Variants in SIPA1L1 observed in about 807,000 individuals in gnomAD.
SIPA1L1 encodes signal-induced proliferation-associated 1-like protein 1.
In SIPA1L1, 26 loss-of-function variants were observed where a neutral mutation model predicts 162.7. The ratio of observed to expected loss-of-function variants is 0.16; its 90% CI spans 0.12 to 0.22. SIPA1L1 has a LOEUF of 0.22. Ranked by LOEUF, SIPA1L1 falls within the 10% of genes least tolerant of loss-of-function variation. The pLI is 1.00. For synonymous variants in SIPA1L1, 829 were observed against 837.4 expected, an observed-to-expected ratio of 0.99 and a Z score of 0.17; for missense variants, 1,874 against 2,241.0, an observed-to-expected ratio of 0.84 and a Z score of 3.31.
chr14:71,586,996 T>A (rs1465881842), intron 4 of SIPA1L1: 1 of 152,176 alleles, frequency 6.6e-6, no homozygotes, highest in Non-Finnish European at 1.5e-5. Context: ...GAAAACTCTT[T>A]TTATTTATTT....
chr14:71,690,774 G>A (rs1415012657), intron 13 of SIPA1L1, among the ~76,000 whole-genome samples: 1 of 152,154 alleles, frequency 6.6e-6, no homozygotes, highest in East Asian at 1.9e-4. Flanking sequence ...CTTCTAGAAG[G>A]TTCATCCACT....
intron 5 of SIPA1L1, among the ~76,000 whole-genome samples, chr14:71,592,093 G>A (rs1046498889): frequency 6.6e-6 from 1 of 152,186 alleles, no homozygotes; most frequent in Non-Finnish European, 1.5e-5. Flanking sequence ...TCACCCACTA[G>A]ACTGCTAGTG....
At chr14:71,691,835 A>C (rs1236415564) in intron 13 of SIPA1L1, among the ~76,000 whole-genome samples, 1 of 151,940 alleles carries the variant, frequency 6.6e-6, no homozygotes, top group Non-Finnish European at 1.5e-5. Context: ...TCCCATTTCT[A>C]CCTTAATTGC....
chr14:71,686,372 C>T (rs1377633458), intron 13 of SIPA1L1, among the ~76,000 whole-genome samples: 1 of 152,066 alleles, frequency 6.6e-6, no homozygotes, highest in Non-Finnish European at 1.5e-5. Context: ...AACTAGAGTC[C>T]AGGCCTAAAA....
chr14:71,670,935 T>A lies in SIPA1L1; in HGVS notation c.2256-184T>A, dbSNP rs770486570. Among the ~76,000 whole-genome samples the A allele has an allele frequency of 4.3e-4, 65 of 152,196 alleles. 1 individual carries two copies. Among genetic ancestry groups the A allele is most frequent in the Non-Finnish European group, 2.8e-4 (19 of 68,028 alleles). On this transcript the variant is annotated intron_variant, in intron 10 of 23. Transcript: ENST00000381232. ...TAGAAAAAAAATTATGTTGTGTAAA[T>A]CCTAAATGCGGTAGAATGAAAAAAT...
intron 2 of SIPA1L1, among the ~76,000 whole-genome samples, chr14:71,422,365 C>T (rs549450006): frequency 1.3e-5 from 2 of 152,194 alleles, no homozygotes; most frequent in East Asian, 3.9e-4. Flanking sequence ...CCGTACAGTT[C>T]GTTGGTATTA....
intron 3 of SIPA1L1, among the ~76,000 whole-genome samples, chr14:71,513,223 C>T (rs1218459181): frequency 6.6e-6 from 1 of 151,934 alleles, no homozygotes; most frequent in Non-Finnish European, 1.5e-5. Flanking sequence ...GACAGTATCA[C>T]CGTAGAATTG....
At chr14:71,493,977 G>T (rs929063299) in intron 2 of SIPA1L1, among the ~76,000 whole-genome samples, 4 of 152,202 alleles carry the variant, frequency 2.6e-5, no homozygotes, top group Admixed American at 6.5e-5. Context: ...TAGCACAGGG[G>T]CTTTTGCTTT....
chr14:71,407,772 G>A (rs764655665), intron 2 of SIPA1L1, among the ~76,000 whole-genome samples: 14 of 152,100 alleles, frequency 9.2e-5, no homozygotes, highest in Non-Finnish European at 1.6e-4. Context: ...TTATACTGTA[G>A]CATTTTCTTT....
At chr14:71,426,853 T>C (rs558150931) in intron 2 of SIPA1L1, among the ~76,000 whole-genome samples, 1 of 152,296 alleles carries the variant, frequency 6.6e-6, no homozygotes, top group South Asian at 2.1e-4. Context: ...CACCACCTTT[T>C]TCACTGTTGA....
intron 4 of SIPA1L1, among the ~76,000 whole-genome samples, chr14:71,536,736 A>G (rs2053939258): frequency 6.6e-6 from 1 of 152,218 alleles, no homozygotes; most frequent in Non-Finnish European, 1.5e-5. Flanking sequence ...CCATTGAGAG[A>G]CTGATTTAAA....
intron 12 of SIPA1L1, among the ~76,000 whole-genome samples, chr14:71,673,224 A>G (rs1173875394): frequency 6.6e-6 from 1 of 152,034 alleles, no homozygotes; most frequent in Non-Finnish European, 1.5e-5. Flanking sequence ...CCAACCCCCC[A>G]CAGCTCCTGC....
chr14:71,664,521 A>G (rs975217707), intron 10 of SIPA1L1, among the ~76,000 whole-genome samples: 4 of 152,196 alleles, frequency 2.6e-5, no homozygotes, highest in Admixed American at 1.3e-4. Context: ...TAAATGGGGT[A>G]TCCATCACCC....
chr14:71,719,886 T>G (rs972110118), intron 17 of SIPA1L1, among the ~76,000 whole-genome samples: 6 of 152,242 alleles, frequency 3.9e-5, no homozygotes, highest in Admixed American at 6.5e-5. Flanking sequence ...TTTCCCGTGT[T>G]GGCATCATCT....
At chr14:71,502,038 C>CAA (rs958205271) in intron 2 of SIPA1L1, among the ~76,000 whole-genome samples, 18 of 87,212 alleles carry the variant, frequency 2.1e-4, no homozygotes, top group African/African-American at 3.4e-4. Context: ...ACCCTGTTTC[C>CAA]AAAAAAAAAA....
rs1355745739 is a variant in SIPA1L1 at position 71,369,716 on chromosome 14, G to T, written c.-465+48535G>T. Among the ~76,000 whole-genome samples the T allele has an allele frequency of 5.3e-4, 64 of 120,054 alleles. 2 individuals carry two copies. The highest frequency in any genetic ancestry group is 1.8e-3 in the African/African-American group (56 of 31,552). 78.8% of individuals were successfully genotyped at this position (120,054 alleles called of 152,430 possible). On this transcript the variant is annotated intron_variant, in intron 2 of 23. Transcript: ENST00000381232. ...CTGTGAAGAAAGTCATTGGTAGCTT[G>T]ATGGGGATGGCATTGAATCTGTAAA...
At chr14:71,598,173 A>G (rs553001126) in intron 5 of SIPA1L1, 1 of 983,292 alleles carries the variant, frequency 1.0e-6, no homozygotes, top group Non-Finnish European at 1.2e-6. Flanking sequence ...CATGGTGGTT[A>G]CCAAGACCAC....
chr14:71,615,638 G>A (rs1299632275), intron 5 of SIPA1L1, among the ~76,000 whole-genome samples: 1 of 152,156 alleles, frequency 6.6e-6, no homozygotes, highest in African/African-American at 2.4e-5. Flanking sequence ...AGCTATATAG[G>A]TTTCTGTGGG....
intron 6 of SIPA1L1, among the ~76,000 whole-genome samples, chr14:71,619,467 A>G (rs910018957): frequency 6.6e-6 from 1 of 152,076 alleles, no homozygotes; most frequent in Non-Finnish European, 1.5e-5. Context: ...AAATATACAC[A>G]ATGTATGAGT....
Sources: allele counts gnomAD v4.1 joint callset (sites outside exome capture counted in the v4.1 genomes callset), GRCh38; gene constraint gnomAD v4.1.1; transcripts MANE v1.5; gene names NCBI Gene and HGNC (gene_info 2026-07-23, HGNC 2026-07-21).